DAB1: variants seen among roughly 807,000 people sequenced by gnomAD.
The protein encoded by DAB1 is DAB adaptor protein 1.
DAB1 carries 15 observed loss-of-function variants against 64.6 expected under a neutral mutation model. The observed-to-expected ratio is 0.23, with a 90% confidence interval of 0.16 to 0.36. The LOEUF is 0.36. DAB1 is among the 10% of genes least tolerant of loss of function. The probability of loss-of-function intolerance (pLI) is 1.00; values close to 1 mark genes in which losing one functional copy is unlikely to be tolerated. For synonymous variants in DAB1, 235 were observed against 251.9 expected (o/e 0.93, Z 0.64); for missense variants, 596 against 706.7 (o/e 0.84, Z 1.78).
intron 7 of DAB1, among the ~76,000 whole-genome samples, chr1:57,442,600 C>T (rs961086457): frequency 2.0e-5 from 3 of 151,982 alleles, no homozygotes; most frequent in African/African-American, 7.3e-5. Flanking sequence ...ACTTGGTTGG[C>T]ATATTATAGA....
At chr1:58,431,414 C>T (rs863705) in intron 3 of DAB1, among the ~76,000 whole-genome samples, 23,428 of 151,724 alleles carry the variant, frequency 0.15, 2,525 homozygotes, top group African/African-American at 0.3. Flanking sequence ...AAAAATTAGC[C>T]GGGCGTGGTG....
Position 57,729,391 on chromosome 1 carries a change from C to A in DAB1, n.552-79726G>T, listed in dbSNP as rs736336. Reference sequence around the variant, plus strand: ...GGCAGGTGATGTGCCTCTAGCAGTCCGCCCCGCTGCCCGCCACATCCTCTC... The same window carrying A: ...GGCAGGTGATGTGCCTCTAGCAGTCAGCCCCGCTGCCCGCCACATCCTCTC... On this transcript the variant is annotated intron_variant and non_coding_transcript_variant, in intron 6 of 20. Coordinates refer to the DAB1 transcript ENST00000485760. 8.1e-3 allele frequency among the ~76,000 whole-genome samples: 1,240 copies of A among 152,288 alleles called. 14 individuals carry two copies. The highest frequency in any genetic ancestry group is 0.028 in the African/African-American group (1,178 of 41,566).
chr1:57,452,403 G>T (rs1353306058), intron 7 of DAB1, among the ~76,000 whole-genome samples: 2 of 151,956 alleles, frequency 1.3e-5, no homozygotes, highest in Non-Finnish European at 2.9e-5. Context: ...GGGCATTAAT[G>T]GTTAAAAGCA....
chr1:58,120,839 A>C (rs2100672092), intron 5 of DAB1, among the ~76,000 whole-genome samples: 1 of 152,296 alleles, frequency 6.6e-6, no homozygotes, highest in African/African-American at 2.4e-5. Flanking sequence ...CTTTTCAGTT[A>C]CCTTCTTTGG....
At chr1:57,154,645 T>C (rs1660038529) in intron 2 of DAB1, among the ~76,000 whole-genome samples, 2 of 152,256 alleles carry the variant, frequency 1.3e-5, no homozygotes, top group African/African-American at 4.8e-5. Context: ...GTTGTACTAA[T>C]TTATATTCTC....
At chr1:58,257,978 T>G (rs367726793) in intron 4 of DAB1, among the ~76,000 whole-genome samples, 1 of 152,222 alleles carries the variant, frequency 6.6e-6, no homozygotes, top group South Asian at 2.1e-4. Flanking sequence ...CCAGGGAAGA[T>G]GAAGACTTGC....
intron 7 of DAB1, among the ~76,000 whole-genome samples, chr1:57,470,227 C>T (rs1436819524): frequency 6.6e-6 from 1 of 152,198 alleles, no homozygotes; most frequent in African/African-American, 2.4e-5. Flanking sequence ...AGTGCATGCT[C>T]ATGTTACTCT....
At chr1:57,695,401 AAAGAAAGAAAGAAAGAAAG>A (rs1646829785) in intron 6 of DAB1, among the ~76,000 whole-genome samples, 3 of 89,840 alleles carry the variant, frequency 3.3e-5, no homozygotes, top group African/African-American at 1.2e-4. Context: ...AGAAAGAAAG[AAAGAAAGAAAGAAAGAAAG>A]AAAGAAAGAA....
intron 5 of DAB1, among the ~76,000 whole-genome samples, chr1:57,911,716 C>G (rs909961419): frequency 2.0e-5 from 3 of 152,218 alleles, no homozygotes; most frequent in African/African-American, 7.2e-5. Context: ...TTCTCTGACT[C>G]CAACATCAGC....
chr1:58,313,852 TGTGTGAGA>T (rs1272269660), intron 4 of DAB1, among the ~76,000 whole-genome samples: 22 of 144,424 alleles, frequency 1.5e-4, no homozygotes, highest in Non-Finnish European at 2.9e-4. Flanking sequence ...TGTGTGTGTG[TGTGTGAGA>T]GAGAGAGAGA....
At chr1:57,920,391 C>A (rs1297860032) in intron 5 of DAB1, among the ~76,000 whole-genome samples, 1 of 152,170 alleles carries the variant, frequency 6.6e-6, no homozygotes, top group Admixed American at 6.5e-5. Flanking sequence ...TGGCTCACTG[C>A]AGCCTGGACC....
At chr1:57,102,074 G>A (rs114370984) in intron 4 of DAB1, among the ~76,000 whole-genome samples, 2,293 of 152,216 alleles carry the variant, frequency 0.015, 63 homozygotes, top group African/African-American at 0.051. Flanking sequence ...GCAATCTAGC[G>A]AGGCAACAGA....
At chr1:57,669,323 C>T (rs1285211990) in intron 6 of DAB1, among the ~76,000 whole-genome samples, 2 of 152,042 alleles carry the variant, frequency 1.3e-5, no homozygotes, top group African/African-American at 4.8e-5. Flanking sequence ...TGATATTACA[C>T]CTAAGTATTA....
chr1:57,066,622 G>A (rs1227336846), intron 8 of DAB1, among the ~76,000 whole-genome samples: 2 of 152,162 alleles, frequency 1.3e-5, no homozygotes, highest in African/African-American at 4.8e-5. Context: ...CCAACAACAT[G>A]TGGTGAGCAA....
At chr1:57,562,412 C>T (rs1021336511) in intron 7 of DAB1, among the ~76,000 whole-genome samples, 2 of 152,168 alleles carry the variant, frequency 1.3e-5, no homozygotes, top group African/African-American at 4.8e-5. Flanking sequence ...GCAGGGGGCT[C>T]ATGCTCATGG....
intron 2 of DAB1, among the ~76,000 whole-genome samples, chr1:57,182,533 T>C (rs1032431574): frequency 6.6e-6 from 1 of 152,218 alleles, no homozygotes; most frequent in Admixed American, 6.5e-5. Context: ...TGCTGTATTC[T>C]TGGGATACCA....
At chr1:58,156,616 C>G (rs537246382) in intron 4 of DAB1, among the ~76,000 whole-genome samples, 2 of 152,080 alleles carry the variant, frequency 1.3e-5, no homozygotes, top group Non-Finnish European at 2.9e-5. Flanking sequence ...GGGCAGGGTA[C>G]CTAGTCCTGA....
intron 3 of DAB1, among the ~76,000 whole-genome samples, chr1:58,382,973 T>G (rs1644402765): frequency 6.6e-6 from 1 of 152,176 alleles, no homozygotes; most frequent in Admixed American, 6.5e-5. Flanking sequence ...TTCTGGTGCA[T>G]CTGTTGTAAG....
chr1:58,402,199 T>C (rs571439023), intron 3 of DAB1, among the ~76,000 whole-genome samples: 2 of 152,286 alleles, frequency 1.3e-5, no homozygotes, highest in African/African-American at 2.4e-5. Flanking sequence ...AGCCGTATCA[T>C]TCCAGCAGAG....
Sources: allele counts gnomAD v4.1 joint callset (sites outside exome capture counted in the v4.1 genomes callset), GRCh38; gene constraint gnomAD v4.1.1; transcripts MANE v1.5; gene names NCBI Gene and HGNC (gene_info 2026-07-23, HGNC 2026-07-21).